DOK6: variants seen among roughly 807,000 people sequenced by gnomAD.
The protein encoded by DOK6 is downstream of tyrosine kinase 6.
In DOK6, 22 loss-of-function variants were observed where a neutral mutation model predicts 44.0. The observed-to-expected ratio is 0.50, with a 90% CI of 0.36 to 0.71. The LOEUF (loss-of-function observed/expected upper bound fraction) is 0.71, where lower values mean the gene tolerates loss of function less well. Ranked by LOEUF, DOK6 falls within the 30% of genes least tolerant of loss-of-function variation. The probability of loss-of-function intolerance (pLI) is 0.00; values close to 1 mark genes in which losing one functional copy is unlikely to be tolerated. For synonymous variants in DOK6, 166 were observed against 145.5 expected, an observed-to-expected ratio of 1.14 and a Z score of -1.01; for missense variants, 340 against 416.4, an observed-to-expected ratio of 0.82 and a Z score of 1.60.
chr18:69,566,416 G>A (rs1022930054), intron 2 of DOK6, among the ~76,000 whole-genome samples: 5 of 152,130 alleles, frequency 3.3e-5, no homozygotes, highest in South Asian at 2.1e-4. Flanking sequence ...GATTACAGGC[G>A]CGAACCACCG....
intron 4 of DOK6, among the ~76,000 whole-genome samples, chr18:69,680,893 T>C (rs1286836674): frequency 1.3e-5 from 2 of 151,876 alleles, no homozygotes; most frequent in Non-Finnish European, 2.9e-5. Flanking sequence ...CTGAAGTCTT[T>C]AAAAATAAAA....
intron 1 of DOK6, among the ~76,000 whole-genome samples, chr18:69,550,502 A>C (rs1220090009): frequency 6.6e-6 from 1 of 152,172 alleles, no homozygotes; most frequent in Non-Finnish European, 1.5e-5. Flanking sequence ...GGTAAACAAC[A>C]ACTTAACTTT....
intron 1 of DOK6, among the ~76,000 whole-genome samples, chr18:69,471,075 C>A (rs1297412443): frequency 2.0e-5 from 3 of 151,570 alleles, no homozygotes; most frequent in African/African-American, 4.8e-5. Context: ...TATAGAGAAA[C>A]CCTGACTCTA....
At chr18:69,788,063 T>C (rs1980485917) in intron 7 of DOK6, among the ~76,000 whole-genome samples, 2 of 152,112 alleles carry the variant, frequency 1.3e-5, no homozygotes, top group Admixed American at 6.6e-5. Context: ...TGGAGCCACT[T>C]GGGGGACAAG....
intron 2 of DOK6, among the ~76,000 whole-genome samples, chr18:69,590,921 C>T (rs1236426772): frequency 6.6e-6 from 1 of 152,138 alleles, no homozygotes; most frequent in Non-Finnish European, 1.5e-5. Context: ...AAAAGTGGAT[C>T]TCAGAGTGGT....
chr18:69,717,217 T>C (rs1296255314), intron 5 of DOK6, among the ~76,000 whole-genome samples: 2 of 152,318 alleles, frequency 1.3e-5, no homozygotes, highest in East Asian at 3.9e-4. Flanking sequence ...TGTAGATATA[T>C]TTCTGGGTTT....
At chr18:69,419,443 G>A (rs989151626) in intron 1 of DOK6, among the ~76,000 whole-genome samples, 5 of 152,134 alleles carry the variant, frequency 3.3e-5, no homozygotes, top group African/African-American at 9.7e-5. Flanking sequence ...TGACTAGAAT[G>A]TAAAGGGGAA....
intron 7 of DOK6, among the ~76,000 whole-genome samples, chr18:69,758,697 CAACA>C (rs1455042443): frequency 6.6e-6 from 1 of 152,164 alleles, no homozygotes; most frequent in Non-Finnish European, 1.5e-5. Context: ...TTTACTCATC[CAACA>C]AACATTTATT....
Position 69,564,506 on chromosome 18 carries a change from T to A in DOK6, c.86T>A (p.Leu29Ter). ...RKLGIFRRCW[L>*]VFKKASSKGP... ...TTTCAGATTTTCAGACGATGCTGGT[T>A]GGTTTTCAAGAAGGCTTCTAGCAAA... Residue 29 changes from leucine to a stop codon, truncating the protein, a stop_gained, in exon 2 of 8, where the codon TTG (leucine) becomes TAG (stop). Transcript: ENST00000382713. LOFTEE classifies it high-confidence loss of function. 1 of 1,613,930 alleles carries A rather than the reference T, an allele frequency of 6.2e-7. No individual in the cohort carries two copies. The highest frequency in any genetic ancestry group is 1.3e-5 in the African/African-American group (1 of 75,036).
chr18:69,411,856 AAAG>A (rs1276990722), intron 1 of DOK6, among the ~76,000 whole-genome samples: 2 of 152,112 alleles, frequency 1.3e-5, no homozygotes, highest in African/African-American at 4.8e-5. Context: ...ACCTTATCTC[AAAG>A]TGTCTTTACG....
chr18:69,532,694 C>T (rs951398919), intron 1 of DOK6: 1 of 152,038 alleles, frequency 6.6e-6, no homozygotes. Context: ...GACTCTGTCC[C>T]TTTAAAAATT....
At chr18:69,637,445 T>A (rs752980891) in intron 3 of DOK6, among the ~76,000 whole-genome samples, 2 of 152,340 alleles carry the variant, frequency 1.3e-5, no homozygotes, top group South Asian at 4.1e-4. Flanking sequence ...TAAGCCTACA[T>A]AATTCCATTT....
At chr18:69,536,633 C>G (rs1022001532) in intron 1 of DOK6, among the ~76,000 whole-genome samples, 1 of 151,938 alleles carries the variant, frequency 6.6e-6, no homozygotes, top group Non-Finnish European at 1.5e-5. Context: ...TATTCTTGGT[C>G]TAAACATCAT....
chr18:69,584,300 C>T (rs1458280234), intron 2 of DOK6, among the ~76,000 whole-genome samples: 1 of 151,178 alleles, frequency 6.6e-6, no homozygotes. Flanking sequence ...GTTGTTTTTT[C>T]GTATGAGATA....
rs76474577 is a variant in DOK6, at chr18:69,707,897, G to A, written c.599+9304G>A. ...TCCTGAAGAAGATGATTTGCACGGCGAATCATAAAATATGAGTTGGACTTC... is the reference window on the plus strand; with the variant it reads ...TCCTGAAGAAGATGATTTGCACGGCAAATCATAAAATATGAGTTGGACTTC... On this transcript the variant is annotated intron_variant, in intron 5 of 7. Transcript: ENST00000382713. Among the ~76,000 whole-genome samples, 566 of 152,226 alleles carry A rather than the reference G, an allele frequency of 3.7e-3. 6 individuals carry two copies. Among genetic ancestry groups the A allele is most frequent in the African/African-American group, 0.013 (541 of 41,532 alleles).
intron 1 of DOK6, among the ~76,000 whole-genome samples, chr18:69,534,855 A>G (rs142439317): frequency 2.1e-4 from 32 of 152,168 alleles, no homozygotes; most frequent in African/African-American, 7.5e-4. Context: ...TATATAAGAC[A>G]TAAAATTATT....
At chr18:69,513,086 CA>C (rs1207612934) in intron 1 of DOK6, among the ~76,000 whole-genome samples, 1 of 146,960 alleles carries the variant, frequency 6.8e-6, no homozygotes, top group Non-Finnish European at 1.5e-5. Flanking sequence ...GATTATTTTT[CA>C]TTTTATATCT....
chr18:69,684,405 T>C (rs1170161578), intron 4 of DOK6, among the ~76,000 whole-genome samples: 3 of 152,202 alleles, frequency 2.0e-5, no homozygotes, highest in African/African-American at 7.2e-5. Context: ...AGAAATACCT[T>C]GAAGCACCAA....
chr18:69,766,095 G>C (rs1201888887), intron 7 of DOK6, among the ~76,000 whole-genome samples: 2 of 152,106 alleles, frequency 1.3e-5, no homozygotes, highest in African/African-American at 4.8e-5. Flanking sequence ...CCATAAAAAA[G>C]AATGAAATCA....
Sources: gnomAD v4.1 joint callset for allele counts (sites outside exome capture counted in the v4.1 genomes callset) on GRCh38, gnomAD v4.1.1 for gene constraint, MANE v1.5 for transcripts, NCBI Gene and HGNC (gene_info 2026-07-23, HGNC 2026-07-21) for gene names.